PRKG1: variants seen among roughly 807,000 people sequenced by gnomAD.
The protein encoded by PRKG1 is protein kinase cGMP-dependent 1, also known as cGMP-dependent protein kinase 1.
A neutral mutation model predicts 88.1 loss-of-function variants in PRKG1; 35 were observed. That is an observed-to-expected ratio of 0.40 (90% CI 0.30 to 0.53). The LOEUF is 0.53. Ranked by LOEUF, PRKG1 falls within the 20% of genes least tolerant of loss-of-function variation. The pLI, the probability that PRKG1 is intolerant of heterozygous loss-of-function variation, is 0.59. For synonymous variants in PRKG1, 303 were observed against 292.5 expected, an observed-to-expected ratio of 1.04 and a Z score of -0.37; for missense variants, 540 against 839.8, an observed-to-expected ratio of 0.64 and a Z score of 4.41.
At chr10:51,664,837 G>A (rs1304240546) in intron 3 of PRKG1, among the ~76,000 whole-genome samples, 1 of 152,116 alleles carries the variant, frequency 6.6e-6, no homozygotes, top group Non-Finnish European at 1.5e-5. Flanking sequence ...ATATAATTAG[G>A]AGGGTAAAAT....
intron 4 of PRKG1, among the ~76,000 whole-genome samples, chr10:51,828,864 A>T (rs1839938608): frequency 6.6e-6 from 1 of 152,238 alleles, no homozygotes; most frequent in South Asian, 2.1e-4. Flanking sequence ...AGCTAAAGAG[A>T]CATAATATCC....
intron 2 of PRKG1, among the ~76,000 whole-genome samples, chr10:51,425,259 G>A (rs192853639): frequency 6.6e-6 from 1 of 152,108 alleles, no homozygotes; most frequent in African/African-American, 2.4e-5. Context: ...AATTATTAAT[G>A]TTTCTGATCA....
chr10:51,009,365 CA>C (rs1842969445), intron 1 of PRKG1, among the ~76,000 whole-genome samples: 1 of 152,146 alleles, frequency 6.6e-6, no homozygotes, highest in Non-Finnish European at 1.5e-5. Flanking sequence ...TTTAAGTTAA[CA>C]TTATTCTCTG....
At chr10:51,653,684 A>G (rs570373252) in intron 3 of PRKG1, among the ~76,000 whole-genome samples, 1 of 152,100 alleles carries the variant, frequency 6.6e-6, no homozygotes, top group South Asian at 2.1e-4. Flanking sequence ...CTCTTGCCTC[A>G]GCCTCCCAAG....
At chr10:50,997,642 C>T (rs546374213) in intron 1 of PRKG1, among the ~76,000 whole-genome samples, 1 of 152,216 alleles carries the variant, frequency 6.6e-6, no homozygotes, top group East Asian at 1.9e-4. Flanking sequence ...GTTCAGGACC[C>T]TTGTTATCTA....
intron 3 of PRKG1, among the ~76,000 whole-genome samples, chr10:51,723,718 T>G (rs1842067572): frequency 6.6e-6 from 1 of 152,130 alleles, no homozygotes; most frequent in Admixed American, 6.6e-5. Flanking sequence ...TCAAAATATT[T>G]AACATAAAAA....
intron 4 of PRKG1, among the ~76,000 whole-genome samples, chr10:51,856,070 C>T (rs1412411346): frequency 6.6e-6 from 1 of 152,132 alleles, no homozygotes; most frequent in Non-Finnish European, 1.5e-5. Context: ...TCCCTTCAAT[C>T]TCTGCTCCCA....
At chr10:51,039,131 T>C (rs1234044079) in intron 1 of PRKG1, among the ~76,000 whole-genome samples, 1 of 152,224 alleles carries the variant, frequency 6.6e-6, no homozygotes, top group East Asian at 1.9e-4. Flanking sequence ...ATAGTATCTC[T>C]ATTTTTAGTT....
chr10:51,373,788 C>T (rs779820492), intron 2 of PRKG1, among the ~76,000 whole-genome samples: 6 of 152,034 alleles, frequency 3.9e-5, no homozygotes, highest in East Asian at 1.9e-4. Context: ...AGCAAACTAA[C>T]GCAGGTGTTT....
intron 5 of PRKG1, among the ~76,000 whole-genome samples, chr10:52,010,158 C>A (rs534879772): frequency 2.4e-4 from 36 of 152,110 alleles, no homozygotes; most frequent in Admixed American, 1.7e-3. Context: ...GCAAAAAAAT[C>A]AAAAATTGGC....
At chr10:51,802,020 T>C (rs1839185893) in intron 3 of PRKG1, among the ~76,000 whole-genome samples, 1 of 152,192 alleles carries the variant, frequency 6.6e-6, no homozygotes, top group African/African-American at 2.4e-5. Flanking sequence ...GAAATGCTTA[T>C]TCCCTATGGA....
At chr10:51,961,924 G>T (rs1843457562) in intron 5 of PRKG1, among the ~76,000 whole-genome samples, 1 of 152,080 alleles carries the variant, frequency 6.6e-6, no homozygotes, top group Admixed American at 6.6e-5. Context: ...AGACAAAATT[G>T]TTCCCCAGTT....
At chr10:51,786,099 T>A (rs926244964) in intron 3 of PRKG1, among the ~76,000 whole-genome samples, 1 of 152,132 alleles carries the variant, frequency 6.6e-6, no homozygotes, top group African/African-American at 2.4e-5. Flanking sequence ...ATAGAGTCAA[T>A]TGTTAGAGAT....
At chr10:51,518,045 C>G (rs1005106066) in intron 3 of PRKG1, among the ~76,000 whole-genome samples, 1 of 152,194 alleles carries the variant, frequency 6.6e-6, no homozygotes, top group Non-Finnish European at 1.5e-5. Flanking sequence ...GTGCCCCAGA[C>G]TAGAATGCAG....
chr10:51,302,057 A>G (rs1179764918), intron 2 of PRKG1, among the ~76,000 whole-genome samples: 1 of 152,058 alleles, frequency 6.6e-6, no homozygotes. Flanking sequence ...ATGGTTTGGA[A>G]CCACAGTGTT....
chr10:51,798,196 C>T (rs1447595444), intron 3 of PRKG1, among the ~76,000 whole-genome samples: 1 of 151,974 alleles, frequency 6.6e-6, no homozygotes, highest in African/African-American at 2.4e-5. Context: ...ATACTGATCC[C>T]ATGTTTAATT....
intron 2 of PRKG1, among the ~76,000 whole-genome samples, chr10:51,342,277 G>A (rs1842019947): frequency 6.6e-6 from 1 of 152,152 alleles, no homozygotes; most frequent in South Asian, 2.1e-4. Context: ...GGGTAATTGG[G>A]TCCAACCTTC....
chr10:52,270,931 G>A (rs900029338), intron 10 of PRKG1, among the ~76,000 whole-genome samples: 1 of 151,798 alleles, frequency 6.6e-6, no homozygotes, highest in Non-Finnish European at 1.5e-5. Flanking sequence ...TTAGAACTAA[G>A]GAGGAAGAAT....
intron 1 of PRKG1, among the ~76,000 whole-genome samples, chr10:51,021,345 G>A (rs1434251218): frequency 6.6e-6 from 1 of 152,114 alleles, no homozygotes; most frequent in African/African-American, 2.4e-5. Flanking sequence ...CCATACGTCC[G>A]TAACAATTTT....
Sources: gnomAD v4.1 joint callset for allele counts (sites outside exome capture counted in the v4.1 genomes callset) on GRCh38, gnomAD v4.1.1 for gene constraint, MANE v1.5 for transcripts, NCBI Gene and HGNC (gene_info 2026-07-23, HGNC 2026-07-21) for gene names.